The following SH3TC2 variants were observed in gnomAD, a reference collection of about 807,000 sequenced individuals.
SH3TC2 encodes SH3 domain and tetratricopeptide repeats 2, also known as SH3 domain and tetratricopeptide repeat-containing protein 2.
In SH3TC2, 87 loss-of-function variants were observed where a neutral mutation model predicts 124.5. The ratio of observed to expected loss-of-function variants is 0.70; its 90% CI spans 0.59 to 0.84. The LOEUF is 0.84. Among genes scored for constraint, SH3TC2 ranks in the 40% least tolerant of loss-of-function variants. The pLI, the probability that SH3TC2 is intolerant of heterozygous loss-of-function variation, is 0.00. For synonymous variants in SH3TC2, 634 were observed against 628.5 expected (o/e 1.01, Z -0.13); for missense variants, 1,536 against 1,566.4 (o/e 0.98, Z 0.33).
At chr5:149,021,964 A>AGTGC (rs1273200976) in intron 12 of SH3TC2, among the ~76,000 whole-genome samples, 1 of 30,682 alleles carries the variant, frequency 3.3e-5, no homozygotes, top group African/African-American at 3.7e-4. Context: ...CCCAGGCTGG[A>AGTGC]GTGCAGTGGC....
At chr5:149,026,482 T>C (rs985571547) in intron 12 of SH3TC2, 90 bp downstream of exon 12, 13 of 1,512,320 alleles carry the variant, frequency 8.6e-6, no homozygotes, top group Middle Eastern at 4.6e-4. Context: ...CTATACCATG[T>C]ACATTTGGAC....
Position 149,027,852 on chromosome 5 carries a change from C to A in SH3TC2, c.1880G>T (p.Gly627Val). ...GGCCCTGGCCTCCAGCGGGCTGCTG[C>A]CCACCACAATCCCCTGGCGCAGCAC... ...AYVLRQGIVV[G>V]SSPLEARACF... The change falls in exon 11 of 17, where the codon GGC (glycine) becomes GTC (valine). Residue 627 changes from glycine (G) to valine (V), a missense_variant. This residue lies in a region of SH3TC2 where 1,102 missense variants were observed against 1,098.6 expected (regional missense o/e 1.00). Transcript: ENST00000515425. The A allele has an allele frequency of 6.2e-7, 1 of 1,613,884 alleles. No individual in the cohort carries two copies. The highest frequency in any genetic ancestry group is 1.1e-5 in the South Asian group (1 of 91,084).
intron 12 of SH3TC2, among the ~76,000 whole-genome samples, chr5:149,018,631 C>G (rs1253078786): frequency 2.0e-5 from 3 of 152,146 alleles, no homozygotes; most frequent in Admixed American, 2.0e-4. Flanking sequence ...CCCACCAGGT[C>G]CCTCCCACAA....
At chr5:149,025,034 C>T (rs1326439400) in intron 12 of SH3TC2, among the ~76,000 whole-genome samples, 1 of 152,112 alleles carries the variant, frequency 6.6e-6, no homozygotes, top group Non-Finnish European at 1.5e-5. Context: ...CCTTAGAATC[C>T]AACTTTTCCA....
chr5:149,047,782 T>C lies in SH3TC2; in HGVS notation c.279+80A>G, dbSNP rs185075497. ...TTCCGAGGACCTACTTTGTTCCAGA[T>C]GCTGTCTTAGATGCTAGGGATCCTG... On this transcript the variant is annotated intron_variant, in intron 3 of 16. Coordinates refer to ENST00000515425, the MANE Select transcript of SH3TC2 (RefSeq NM_024577.4). The C allele has an allele frequency of 8.6e-5, 136 of 1,584,034 alleles. No homozygotes were observed. The East Asian group carries it at 3.1e-3, about 36-fold the overall frequency.
In SH3TC2 at chr5:149,040,600, A is replaced by C. The variant is rs750438674; in HGVS notation, c.805+4T>G. ...ACAATACTATGTTTTTGACTCAGCC[A>C]TACCAATCTGATAGGAGCCTGTCCA... is the stretch of plus-strand genomic sequence containing the variant. On this transcript the variant is annotated splice_donor_region_variant and intron_variant, in intron 7 of 16. Coordinates refer to ENST00000515425, the MANE Select transcript of SH3TC2 (RefSeq NM_024577.4). 6.2e-7 allele frequency: 1 copy of C among 1,613,538 alleles called. No individual in the cohort carries two copies. The highest frequency in any genetic ancestry group is 1.1e-5 in the South Asian group (1 of 91,080).
chr5:149,012,483 C>T, intron 13 of SH3TC2, 101 bp downstream of exon 13: 6 of 1,452,818 alleles, frequency 4.1e-6, no homozygotes, highest in Non-Finnish European at 4.8e-6. Flanking sequence ...TTAGGGTGAA[C>T]ATCATCCCTC....
In SH3TC2 at chr5:148,997,384, T is replaced by C. The variant is rs909121150; in HGVS notation, c.*7327A>G. ...ACCAATCACTACTATAGGTCAAAGC[T>C]TTCTGTTCCTCCTTCTATTTTCCAT... On this transcript the variant is annotated 3_prime_UTR_variant, in exon 17 of 17. Transcript: ENST00000515425. 3.3e-5 allele frequency among the ~76,000 whole-genome samples: 5 copies of C among 152,248 alleles called. No individual in the cohort carries two copies. The highest frequency in any genetic ancestry group is 1.2e-4 in the African/African-American group (5 of 41,474).
chr5:149,043,148 G>A (rs926373125), intron 4 of SH3TC2, among the ~76,000 whole-genome samples: 2 of 152,138 alleles, frequency 1.3e-5, no homozygotes, highest in African/African-American at 4.8e-5. Context: ...CAGCCACGGA[G>A]GTCTCCAAGT....
At chr5:149,014,504 C>T (rs955187659) in intron 12 of SH3TC2, among the ~76,000 whole-genome samples, 4 of 152,184 alleles carry the variant, frequency 2.6e-5, no homozygotes, top group African/African-American at 9.6e-5. Context: ...CTCCTAAGGC[C>T]CGGATCCTTA....
At position 148,989,537 on chromosome 5, in the gene SH3TC2, A is replaced by G. The variant is rs1377806518; in HGVS notation, c.*15174T>C. On this transcript the variant is annotated 3_prime_UTR_variant, in exon 17 of 17. Transcript: ENST00000515425. ...TGGTCAGCAGAACTGTGTACCTTGG[A>G]AAATCACTCTGAAGGAAGGACTTAC... 1.3e-5 allele frequency among the ~76,000 whole-genome samples: 2 copies of G among 152,240 alleles called. No homozygotes were observed. Among genetic ancestry groups the G allele is most frequent in the Non-Finnish European group, 2.9e-5 (2 of 68,044 alleles).
At chr5:149,030,201 A>G (rs1402030852) in intron 9 of SH3TC2, among the ~76,000 whole-genome samples, 1 of 152,196 alleles carries the variant, frequency 6.6e-6, no homozygotes, top group Admixed American at 6.5e-5. Context: ...AAGTTACAAA[A>G]TGGTGTCCCC....
chr5:149,019,049 A>G (rs1303479380), intron 12 of SH3TC2, among the ~76,000 whole-genome samples: 3 of 152,216 alleles, frequency 2.0e-5, no homozygotes, highest in Admixed American at 6.5e-5. Flanking sequence ...AGGGGAATTT[A>G]GTTGAAGAAA....
Position 148,999,518 on chromosome 5 carries a change from G to T in SH3TC2, c.*5193C>A, listed in dbSNP as rs375569061. Among the ~76,000 whole-genome samples, 8 of 152,194 alleles carry T rather than the reference G, an allele frequency of 5.3e-5. No homozygotes were observed. In the South Asian group the frequency reaches 1.7e-3, roughly 32 times the overall value. ...TTGCCGCTTGTCCACACATCTCAAT[G>T]GGAGCAATTAAAAGAGGAAAAGAGA... On this transcript the variant is annotated 3_prime_UTR_variant, in exon 17 of 17. Transcript: ENST00000515425.
intron 12 of SH3TC2, among the ~76,000 whole-genome samples, chr5:149,021,884 C>CTTTTTTTTTTTTTTTTTTTTTTTTTT (rs869151294): frequency 6.1e-5 from 2 of 32,864 alleles, no homozygotes; most frequent in Non-Finnish European, 1.1e-4. Flanking sequence ...CAAACTCTTT[C>CTTTTTTTTTTTTTTTTTTTTTTTTTT]TTTTTTTTTT....
At chr5:149,019,041 G>C (rs949201291) in intron 12 of SH3TC2, among the ~76,000 whole-genome samples, 2 of 152,112 alleles carry the variant, frequency 1.3e-5, no homozygotes, top group African/African-American at 4.8e-5. Context: ...ATCCCTAGAG[G>C]GGAATTTAGT....
intron 1 of SH3TC2, among the ~76,000 whole-genome samples, chr5:149,058,590 T>G (rs1754691551): frequency 6.6e-6 from 1 of 152,050 alleles, no homozygotes; most frequent in Non-Finnish European, 1.5e-5. Flanking sequence ...ATATACTTGT[T>G]CTGGATATTA....
chr5:149,058,449 T>C (rs993580634), intron 1 of SH3TC2, among the ~76,000 whole-genome samples: 6 of 152,228 alleles, frequency 3.9e-5, no homozygotes, highest in Non-Finnish European at 7.3e-5. Flanking sequence ...CTTACGATGT[T>C]AATCACTTTT....
chr5:149,006,517 C>T (rs1200198730), intron 16 of SH3TC2, among the ~76,000 whole-genome samples: 1 of 152,068 alleles, frequency 6.6e-6, no homozygotes, highest in African/African-American at 2.4e-5. Context: ...TCATTTTAGA[C>T]CTTATAGTTC....
Sources: allele counts gnomAD v4.1 joint callset (sites outside exome capture counted in the v4.1 genomes callset), GRCh38; gene constraint gnomAD v4.1.1; regional missense constraint gnomAD v4.1.1; transcripts MANE v1.5; gene names NCBI Gene and HGNC (gene_info 2026-07-23, HGNC 2026-07-21).